Variants in ZNF831 observed in about 807,000 individuals in gnomAD.
ZNF831 encodes the protein zinc finger protein 831.
In ZNF831, 59 loss-of-function variants were observed where a neutral mutation model predicts 95.8. That is an observed-to-expected ratio of 0.62 (90% CI 0.50 to 0.77). The LOEUF (loss-of-function observed/expected upper bound fraction) is 0.77. ZNF831 is among the 30% of genes least tolerant of loss of function. ZNF831 has a pLI of 0.00. For missense variants in ZNF831, 2,205 were observed against 2,164.0 expected, an observed-to-expected ratio of 1.02 and a Z score of -0.38; for synonymous variants, 961 against 925.5, an observed-to-expected ratio of 1.04 and a Z score of -0.70.
Position 59,156,342 on chromosome 20 carries a change from G to A in ZNF831, c.-1280-3310G>A, listed in dbSNP as rs1288817646. Among the ~76,000 whole-genome samples, 3 of 152,076 alleles carry A rather than the reference G, an allele frequency of 2.0e-5. No individual in the cohort carries two copies. In the South Asian group the frequency reaches 6.2e-4, roughly 32 times the overall value. On this transcript the variant is annotated intron_variant, in intron 2 of 7. Transcript: ENST00000637017. ...GGAGTCTGAGACCAGCCTGGCCAAC[G>A]TGGTGAAACCTTGTCTCTACTAAAA...
chr20:59,216,692 T>C (rs1006754312), intron 4 of ZNF831, among the ~76,000 whole-genome samples: 1 of 151,990 alleles, frequency 6.6e-6, no homozygotes, highest in Admixed American at 6.6e-5. Context: ...GACAGATGGC[T>C]AGTGTGCCAG....
chr20:59,258,070 C>T lies in ZNF831; in HGVS notation c.*3327C>T, dbSNP rs1053153069. ...TAAAACACATTGAAAAACAGCTCAT[C>T]TCTCCTGTTAGGCTTAACCCTTGAG... On this transcript the variant is annotated 3_prime_UTR_variant, in exon 6 of 6. Transcript: ENST00000371030. The T allele has an allele frequency of 5.9e-5, 9 of 151,984 alleles. No homozygotes were observed. The highest frequency in any genetic ancestry group is 2.2e-4 in the African/African-American group (9 of 41,330). 9.4% of individuals were successfully genotyped at this position (151,984 alleles called of 1,614,324 possible).
At chr20:59,246,329 A>G (rs1371537163) in intron 4 of ZNF831, among the ~76,000 whole-genome samples, 1 of 152,162 alleles carries the variant, frequency 6.6e-6, no homozygotes, top group Non-Finnish European at 1.5e-5. Context: ...GAAACAGAAT[A>G]ATTTCTCCTT....
At chr20:59,211,800 T>C (rs1985353332) in intron 4 of ZNF831, among the ~76,000 whole-genome samples, 1 of 151,984 alleles carries the variant, frequency 6.6e-6, no homozygotes, top group Non-Finnish European at 1.5e-5. Flanking sequence ...TGTGTGTGTG[T>C]GTGTGTGTTT....
rs1984065075 is a variant in ZNF831, at chr20:59,195,889, A to T, written c.3759A>T (p.Pro1253=). The T allele has an allele frequency of 6.2e-7, 1 of 1,614,140 alleles. No individual in the cohort carries two copies. Residue 1253 remains proline (P), a synonymous_variant, in exon 3 of 6, where the codon CCA becomes CCT. Coordinates refer to ENST00000371030, the MANE Select transcript of ZNF831 (RefSeq NM_178457.3). ...QMSKFSYPTV[P]GVMPQHQVSE... ...TTCAGTTCTCCTACCCAACAGTCCC[A>T]GGGGTGATGCCCCAGCACCAGGTGT...
chr20:59,191,360 C>T lies in ZNF831; in HGVS notation c.341C>T (p.Thr114Met), dbSNP rs754843638. Residue 114 changes from threonine to methionine, a missense_variant, in exon 2 of 6, where the codon ACG becomes ATG. Transcript: ENST00000371030. ...QVGKPAAPTL[T>M]VNIVGTLPVL... ...GGGAAGCCGGCGGCCCCTACGCTGA[C>T]GGTGAACATCGTGGGCACTCTGCCT... 15 of 1,607,556 alleles carry T rather than the reference C, an allele frequency of 9.3e-6. No individual in the cohort carries two copies. The highest frequency in any genetic ancestry group is 2.5e-6 in the Non-Finnish European group (3 of 1,177,116).
At chr20:59,143,943 A>C (rs1010948730) in intron 1 of ZNF831, among the ~76,000 whole-genome samples, 6 of 152,184 alleles carry the variant, frequency 3.9e-5, no homozygotes, top group African/African-American at 1.2e-4. Context: ...GATTCTATAA[A>C]ATGCTCTAAT....
intron 4 of ZNF831, among the ~76,000 whole-genome samples, chr20:59,241,802 G>C (rs1334333413): frequency 6.6e-6 from 1 of 152,106 alleles, no homozygotes; most frequent in Non-Finnish European, 1.5e-5. Context: ...GAAATATCTG[G>C]GTGAAAGGAA....
intron 1 of ZNF831, among the ~76,000 whole-genome samples, chr20:59,184,400 T>TCC (rs1468606022): frequency 6.1e-5 from 9 of 147,950 alleles, no homozygotes; most frequent in African/African-American, 1.8e-4. Flanking sequence ...TTCCTCTTCC[T>TCC]CCCTCCCCCC....
At position 59,191,969 on chromosome 20, in the gene ZNF831, G is replaced by A. The variant is rs777173133; in HGVS notation, c.950G>A (p.Arg317Gln). The A allele has an allele frequency of 6.2e-7, 1 of 1,606,356 alleles. No individual in the cohort carries two copies. The highest frequency in any genetic ancestry group is 8.5e-7 in the Non-Finnish European group (1 of 1,177,286). The change falls in exon 2 of 6, where the codon CGG becomes CAG. Residue 317 changes from arginine (R) to glutamine (Q), a missense_variant. Coordinates refer to ENST00000371030, the MANE Select transcript of ZNF831 (RefSeq NM_178457.3). ...PTAGKPCALQ[R>Q]QQATAAEKPW... ...GCCGGGAAGCCGTGCGCCCTGCAGC[G>A]GCAGCAGGCGACGGCAGCGGAGAAG... is the stretch of plus-strand genomic sequence containing the variant.
At chr20:59,124,929 C>T (rs1024562901) in intron 1 of ZNF831, among the ~76,000 whole-genome samples, 3 of 152,142 alleles carry the variant, frequency 2.0e-5, no homozygotes, top group Non-Finnish European at 4.4e-5. Flanking sequence ...TGATTGGAGG[C>T]GATCATTTCT....
chr20:59,191,656 C>T lies in ZNF831; in HGVS notation c.637C>T (p.Leu213Phe), dbSNP rs2146551233. The T allele has an allele frequency of 1.3e-6, 2 of 1,561,432 alleles. No individual in the cohort carries two copies. The highest frequency in any genetic ancestry group is 2.7e-5 in the African/African-American group (2 of 73,618). Residue 213 changes from leucine to phenylalanine, a missense_variant, in exon 2 of 6, where the codon CTC (leucine) becomes TTC (phenylalanine). Leu to Phe is a conservative substitution (Grantham distance 22). Transcript: ENST00000371030. ...SSESEGAGGG[L>F]LEEGDKAGEP... ...AGAGTCCGAGGGCGCCGGGGGCGGC[C>T]TCCTGGAGGAAGGGGACAAGGCCGG...
Position 59,194,374 on chromosome 20 carries a change from C to T in ZNF831, c.3355C>T (p.Leu1119=), listed in dbSNP as rs770814503. The T allele has an allele frequency of 2.5e-6, 4 of 1,611,356 alleles. No individual in the cohort carries two copies. In the South Asian group the frequency reaches 3.3e-5, roughly 13 times the overall value. ...NAPEDPSSGP[L]VGPDPCSPLQ... The stretch of plus-strand genomic sequence containing the variant: ...CCCAGAAGATCCTTCTTCAGGGCCC[C>T]TGGTGGGCCCCGACCCGTGTTCCCC... The change falls in exon 2 of 6, where the codon CTG becomes TTG. Residue 1119 remains leucine, a synonymous_variant. Coordinates refer to ENST00000371030, the MANE Select transcript of ZNF831 (RefSeq NM_178457.3).
chr20:59,172,057 G>T (rs1981785000), intron 1 of ZNF831, among the ~76,000 whole-genome samples: 1 of 152,086 alleles, frequency 6.6e-6, no homozygotes, highest in African/African-American at 2.4e-5. Context: ...TTCAATCAAG[G>T]GCCTGTAGGT....
intron 4 of ZNF831, among the ~76,000 whole-genome samples, chr20:59,225,861 G>C (rs572848582): frequency 8.1e-4 from 123 of 152,300 alleles, no homozygotes; most frequent in African/African-American, 2.8e-3. Context: ...AAAGGTTTAA[G>C]CACAAAAGGG....
At chr20:59,242,330 A>G (rs1310568115) in intron 4 of ZNF831, among the ~76,000 whole-genome samples, 1 of 152,244 alleles carries the variant, frequency 6.6e-6, no homozygotes, top group Non-Finnish European at 1.5e-5. Flanking sequence ...GCTGTTGTTT[A>G]TGAACTCATC....
intron 1 of ZNF831, among the ~76,000 whole-genome samples, chr20:59,134,474 C>T (rs1052498455): frequency 1.6e-4 from 25 of 152,174 alleles, no homozygotes; most frequent in Admixed American, 6.5e-5. Flanking sequence ...TCTTTATCCG[C>T]TTTTCTCTCT....
intron 4 of ZNF831, among the ~76,000 whole-genome samples, chr20:59,223,781 G>A (rs1986254014): frequency 1.3e-5 from 2 of 152,320 alleles, no homozygotes; most frequent in African/African-American, 2.4e-5. Context: ...CAGATTTCAC[G>A]TTAAATAAAA....
intron 2 of ZNF831, among the ~76,000 whole-genome samples, chr20:59,150,735 C>T (rs1980183101): frequency 6.6e-6 from 1 of 152,202 alleles, no homozygotes; most frequent in African/African-American, 2.4e-5. Context: ...AGGAGCTCTC[C>T]TTGAGTCTGC....
Sources: gnomAD v4.1 joint callset for allele counts (sites outside exome capture counted in the v4.1 genomes callset) on GRCh38, gnomAD v4.1.1 for gene constraint, MANE v1.5 for transcripts, NCBI Gene and HGNC (gene_info 2026-07-23, HGNC 2026-07-21) for gene names.